DCLRE1B: variants seen among roughly 807,000 people sequenced by gnomAD.
DCLRE1B encodes the protein DNA cross-link repair 1B.
A neutral mutation model predicts 19.8 loss-of-function variants in DCLRE1B; 6 were observed. That is an observed-to-expected ratio of 0.30 (90% confidence interval 0.17 to 0.60). The LOEUF is 0.60. DCLRE1B is among the 20% of genes least tolerant of loss of function. The pLI is 0.87. For missense variants in DCLRE1B, 622 were observed against 654.2 expected (o/e 0.95, Z 0.54); for synonymous variants, 258 against 255.7 (o/e 1.01, Z -0.09).
chr1:113,907,002 A>G lies in DCLRE1B; in HGVS notation c.196A>G (p.Lys66Glu). The G allele has an allele frequency of 4.3e-6, 7 of 1,613,908 alleles. No homozygotes were observed. Among genetic ancestry groups the G allele is most frequent in the South Asian group, 1.1e-5 (1 of 91,064 alleles). The stretch of plus-strand genomic sequence containing the variant: ...TGACTAACTGTTTTCTCAGGTATCT[A>G]AGCAATGGATCCAAGCCCTGGAGGT... Reference protein sequence around the residue: ...HLLHRHLQVSKQWIQALEVGE... With the variant: ...HLLHRHLQVSEQWIQALEVGE... Residue 66 changes from lysine (K) to glutamate (E), a missense_variant, in exon 2 of 4, where the codon AAG becomes GAG. Lys to Glu is a moderately conservative substitution (Grantham distance 56, BLOSUM62 1). Coordinates refer to ENST00000650450, the MANE Select transcript of DCLRE1B (RefSeq NM_022836.4).
At chr1:113,909,798 G>C (rs368206192) in intron 3 of DCLRE1B, among the ~76,000 whole-genome samples, 1 of 152,180 alleles carries the variant, frequency 6.6e-6, no homozygotes, top group East Asian at 1.9e-4. Context: ...TCTCTGACTT[G>C]GAGGGCTCAC....
chr1:113,911,209 G>C lies in DCLRE1B; in HGVS notation c.617G>C (p.Arg206Pro), dbSNP rs1401066315. ...CAGACCTGGGTGGTATTGAGTCCTC[G>C]GCGCCTGGAGTTGGTACAGCTACTG... ...EFQTWVVLSP[R>P]RLELVQLLGL... The change falls in exon 4 of 4, where the codon CGG (arginine) becomes CCG (proline). Residue 206 changes from arginine (R) to proline (P), a missense_variant. Coordinates refer to ENST00000650450, the MANE Select transcript of DCLRE1B (RefSeq NM_022836.4). The C allele has an allele frequency of 6.2e-7, 1 of 1,614,106 alleles. No individual in the cohort carries two copies.
Position 113,911,839 on chromosome 1 carries a change from G to A in DCLRE1B, c.1247G>A (p.Cys416Tyr). ...SKEWNKAVPF[C>Y]ESQKRVTMLT... ...GAATGGAACAAGGCAGTGCCTTTCT[G>A]TGAGTCTCAAAAGAGGGTGACTATG... The change falls in exon 4 of 4, where the codon TGT becomes TAT. Residue 416 changes from cysteine (C) to tyrosine (Y), a missense_variant. Coordinates refer to ENST00000650450, the MANE Select transcript of DCLRE1B (RefSeq NM_022836.4). 6.2e-7 allele frequency: 1 copy of A among 1,614,236 alleles called. No homozygotes were observed. The highest frequency in any genetic ancestry group is 1.1e-5 in the South Asian group (1 of 91,084).
Position 113,911,728 on chromosome 1 carries a change from C to A in DCLRE1B, c.1136C>A (p.Ser379Tyr), listed in dbSNP as rs1273976685. ...AAGAAGGCCAAGAAAGAGAAACTTTCTCCCTGGCCTGCGGACCTTGAAAAG... is the reference window on the plus strand; with the variant it reads ...AAGAAGGCCAAGAAAGAGAAACTTTATCCCTGGCCTGCGGACCTTGAAAAG... ...DSKKAKKEKLSPWPADLEKQP... is the reference protein window; with the variant it reads ...DSKKAKKEKLYPWPADLEKQP... The change falls in exon 4 of 4, where the codon TCT (serine) becomes TAT (tyrosine). Residue 379 changes from serine (S) to tyrosine (Y), a missense_variant. By Grantham distance (144) the Ser-to-Tyr change is moderately radical. Around this residue, in one of 3 missense-constraint regions of DCLRE1B, gnomAD observed 382 missense variants for 412.5 expected, o/e 0.93. Transcript: ENST00000650450. 3 of 1,614,070 alleles carry A rather than the reference C, an allele frequency of 1.9e-6. No homozygotes were observed. Among genetic ancestry groups the A allele is most frequent in the Non-Finnish European group, 2.5e-6 (3 of 1,180,044 alleles).
In DCLRE1B at chr1:113,911,521, T is replaced by A. The variant is rs201436658; in HGVS notation, c.929T>A (p.Leu310Gln). Residue 310 changes from leucine (L) to glutamine (Q), a missense_variant, in exon 4 of 4, where the codon CTG becomes CAG. Coordinates refer to ENST00000650450, the MANE Select transcript of DCLRE1B (RefSeq NM_022836.4). ...CCCTGTGGAGGCTTTCAGGACAGTC[T>A]GAGCCCCAGGATCTCCGTGCCCCTG... is the stretch of plus-strand genomic sequence containing the variant. ...RRPCGGFQDSLSPRISVPLIP... is the reference protein window; with the variant it reads ...RRPCGGFQDSQSPRISVPLIP... 102 of 1,613,980 alleles carry A rather than the reference T, an allele frequency of 6.3e-5. No homozygotes were observed. The highest frequency in any genetic ancestry group is 8.5e-5 in the Non-Finnish European group (100 of 1,179,878).
At chr1:113,904,904 G>T, upstream of DCLRE1B, 1 of 610,816 alleles carries the variant, frequency 1.6e-6, no homozygotes, top group Non-Finnish European at 3.0e-6. Context: ...CGCCCTCCGC[G>T]ACACCGCGAG....
rs756672653 is a variant in DCLRE1B at position 113,907,202 on chromosome 1, A to ATTTTTTTTTT, written c.355+42_355+43insTTTTTTTTTT. On this transcript the variant is annotated intron_variant, in intron 2 of 3. Coordinates refer to ENST00000650450, the MANE Select transcript of DCLRE1B (RefSeq NM_022836.4). ...AATCCCAGTGACTTCTCCAGACTAG[A>ATTTTTTTTTT]TGTTTTTTTTTTTTTTTTTTTTTTT... is the stretch of plus-strand genomic sequence containing the variant. The ATTTTTTTTTT allele has an allele frequency of 3.9e-5, 8 of 203,248 alleles. No individual in the cohort carries two copies. In the African/African-American group the frequency reaches 4.6e-4, roughly 12 times the overall value. 12.6% of individuals were successfully genotyped at this position (203,248 alleles called of 1,614,324 possible).
At position 113,905,486 on chromosome 1, in the gene DCLRE1B, T is replaced by G. The variant is rs973259421; in HGVS notation, c.-101T>G. 1 of 1,243,940 alleles carries G rather than the reference T, an allele frequency of 8.0e-7. No homozygotes were observed. The highest frequency in any genetic ancestry group is 1.5e-5 in the African/African-American group (1 of 66,174). The allele number at this position is 1,243,940 out of a possible 1,614,324, so 77.1% of individuals were successfully genotyped here. A position where few individuals can be genotyped will look rare whatever the true frequency, so the allele number is the denominator to read the frequency against. ...TCCCTTAGGGTCTCTGGCCCTGTTC[T>G]TGCCCCAGCATGACTTTTATCGGGA... On this transcript the variant is annotated 5_prime_UTR_variant, in exon 1 of 4. Transcript: ENST00000650450.
At chr1:113,908,629 T>C (rs1047084099) in intron 3 of DCLRE1B, among the ~76,000 whole-genome samples, 1 of 152,120 alleles carries the variant, frequency 6.6e-6, no homozygotes, top group African/African-American at 2.4e-5. Flanking sequence ...AATGAATGAA[T>C]GAAATAAGTA....
Position 113,911,268 on chromosome 1 carries a change from G to T in DCLRE1B, c.676G>T (p.Ala226Ser), listed in dbSNP as rs1385224844. 1 of 1,614,134 alleles carries T rather than the reference G, an allele frequency of 6.2e-7. No individual in the cohort carries two copies. Among genetic ancestry groups the T allele is most frequent in the Non-Finnish European group, 8.5e-7 (1 of 1,180,036 alleles). ...LADVFTVEEK[A>S]GRIHAVDHME... ...AGATGTGTTCACAGTGGAGGAGAAG[G>T]CTGGCCGCATCCATGCAGTAGACCA... is the stretch of plus-strand genomic sequence containing the variant. Residue 226 changes from alanine to serine, a missense_variant, in exon 4 of 4, where the codon GCT becomes TCT. Coordinates refer to ENST00000650450, the MANE Select transcript of DCLRE1B (RefSeq NM_022836.4).
chr1:113,907,735 A>G (rs566115172), intron 2 of DCLRE1B, among the ~76,000 whole-genome samples: 109 of 152,204 alleles, frequency 7.2e-4, no homozygotes, highest in Non-Finnish European at 1.4e-3. Flanking sequence ...CGGCCCCCCA[A>G]AGTGCTGGGA....
rs1182754366 is a variant in DCLRE1B at position 113,905,577 on chromosome 1, C to T, written c.-10C>T. 1 of 1,613,870 alleles carries T rather than the reference C, an allele frequency of 6.2e-7. No homozygotes were observed. The highest frequency in any genetic ancestry group is 8.5e-7 in the Non-Finnish European group (1 of 1,179,934). On this transcript the variant is annotated 5_prime_UTR_variant, in exon 1 of 4. Coordinates refer to ENST00000650450, the MANE Select transcript of DCLRE1B (RefSeq NM_022836.4). ...GAGAAGATCCCACTGGTGACTCCAA[C>T]CCTACCACCATGAATGGGGTCCTGA...
upstream of DCLRE1B, chr1:113,904,868 G>C (rs1258867351): frequency 1.4e-6 from 1 of 716,444 alleles, no homozygotes; most frequent in Non-Finnish European, 2.5e-6. Flanking sequence ...CCGTAGGGCC[G>C]GCACGCTGGC....
rs1190694746 is a variant in DCLRE1B at position 113,905,405 on chromosome 1, C to T, written c.-182C>T. 3.1e-6 allele frequency: 2 copies of T among 642,082 alleles called. No individual in the cohort carries two copies. The highest frequency in any genetic ancestry group is 5.2e-6 in the Non-Finnish European group (2 of 385,772). 39.8% of individuals were successfully genotyped at this position (642,082 alleles called of 1,614,324 possible). A position where few individuals can be genotyped will look rare whatever the true frequency, so the allele number is the denominator to read the frequency against. On this transcript the variant is annotated 5_prime_UTR_variant, in exon 1 of 4. Transcript: ENST00000650450. ...CCTCCGCGATTTGGGCTCCAGCGGGCAGGGTGACTTCCTTTTTCTGCCCAC... is the reference window on the plus strand; with the variant it reads ...CCTCCGCGATTTGGGCTCCAGCGGGTAGGGTGACTTCCTTTTTCTGCCCAC...
In DCLRE1B at chr1:113,907,109, T is replaced by C. The variant is rs1669049963; in HGVS notation, c.303T>C (p.Pro101=). Residue 101 remains proline, a synonymous_variant, in exon 2 of 4, where the codon CCT becomes CCC. Coordinates refer to ENST00000650450, the MANE Select transcript of DCLRE1B (RefSeq NM_022836.4). ...TVTLLDANHC[P]GSVMFLFEGY... The stretch of plus-strand genomic sequence containing the variant: ...CCCTCCTCGATGCCAATCACTGTCC[T>C]GGTTCTGTCATGTTTCTCTTTGAAG... 1 of 1,613,454 alleles carries C rather than the reference T, an allele frequency of 6.2e-7. No homozygotes were observed. The highest frequency in any genetic ancestry group is 1.3e-5 in the African/African-American group (1 of 74,672).
rs1190996565 is a variant in DCLRE1B, at chr1:113,907,170, C to G, written c.355+9C>G. The G allele has an allele frequency of 7.1e-7, 1 of 1,414,640 alleles. No individual in the cohort carries two copies. The highest frequency in any genetic ancestry group is 1.2e-5 in the South Asian group (1 of 85,558). 87.6% of individuals were successfully genotyped at this position (1,414,640 alleles called of 1,614,324 possible). A position where few individuals can be genotyped will look rare whatever the true frequency, so the allele number is the denominator to read the frequency against. ...AACCATCCTCTACACAGGTGGGCCT[C>G]TCAAGGAATCCCAGTGACTTCTCCA... On this transcript the variant is annotated intron_variant, in intron 2 of 3. Coordinates refer to ENST00000650450, the MANE Select transcript of DCLRE1B (RefSeq NM_022836.4).
At chr1:113,910,455 C>T (rs1669212018) in intron 3 of DCLRE1B, among the ~76,000 whole-genome samples, 4 of 152,104 alleles carry the variant, frequency 2.6e-5, no homozygotes, top group Admixed American at 2.6e-4. Context: ...AAGATTTAGC[C>T]TAACGTTCCC....
chr1:113,912,312 A>G lies in DCLRE1B; in HGVS notation c.*121A>G, dbSNP rs770056891. ...ACTTTTCTATCTTTACAAGACTCTT[A>G]TGGGCCCACCGTGGAGCAGCACTTC... On this transcript the variant is annotated 3_prime_UTR_variant, in exon 4 of 4. Coordinates refer to ENST00000650450, the MANE Select transcript of DCLRE1B (RefSeq NM_022836.4). 72 of 1,026,778 alleles carry G rather than the reference A, an allele frequency of 7.0e-5. No homozygotes were observed. The Middle Eastern group carries it at 9.7e-4, about 14-fold the overall frequency. The allele number at this position is 1,026,778 out of a possible 1,614,324, so 63.6% of individuals were successfully genotyped here. A position where few individuals can be genotyped will look rare whatever the true frequency, so the allele number is the denominator to read the frequency against.
In DCLRE1B at chr1:113,911,967, C is replaced by G. The variant is rs200134441; in HGVS notation, c.1375C>G (p.Pro459Ala). The G allele has an allele frequency of 1.7e-4, 270 of 1,614,186 alleles. 6 individuals carry two copies. In the East Asian group the frequency reaches 5.5e-3, roughly 33 times the overall value. The change falls in exon 4 of 4, where the codon CCC (proline) becomes GCC (alanine). Residue 459 changes from proline to alanine, a missense_variant. By Grantham distance (27) the Pro-to-Ala change is conservative. Around this residue, in one of 3 missense-constraint regions of DCLRE1B, gnomAD observed 382 missense variants for 412.5 expected, o/e 0.93. Coordinates refer to ENST00000650450, the MANE Select transcript of DCLRE1B (RefSeq NM_022836.4). ...AATTGGTTTAGGGTCCCCCTTGGTACCCATGGGAGATGATGATGGAGGTCC... is the reference window on the plus strand; with the variant it reads ...AATTGGTTTAGGGTCCCCCTTGGTAGCCATGGGAGATGATGATGGAGGTCC... ...EEIGLGSPLV[P>A]MGDDDGGPEA... is the part of the protein sequence containing the mutation.
Sources: gnomAD v4.1 joint callset for allele counts (sites outside exome capture counted in the v4.1 genomes callset) on GRCh38, gnomAD v4.1.1 for gene constraint, gnomAD v4.1.1 regional missense constraint, MANE v1.5 for transcripts, NCBI Gene and HGNC (gene_info 2026-07-23, HGNC 2026-07-21) for gene names.